The following CREB5 variants were observed in gnomAD, a reference collection of about 807,000 sequenced individuals.
CREB5 encodes cAMP responsive element binding protein 5, also known as cyclic AMP-responsive element-binding protein 5.
A neutral mutation model predicts 57.1 loss-of-function variants in CREB5; 19 were observed. That is an observed-to-expected ratio of 0.33 (90% CI 0.23 to 0.49). The LOEUF (loss-of-function observed/expected upper bound fraction) is 0.49, where lower values mean the gene tolerates loss of function less well. Ranked by LOEUF, CREB5 falls within the 20% of genes least tolerant of loss-of-function variation. The pLI is 0.99. For synonymous variants in CREB5, 238 were observed against 238.3 expected (o/e 1.00, Z 0.01); for missense variants, 579 against 671.6 (o/e 0.86, Z 1.52).
At chr7:28,761,914 A>G (rs1246184844) in intron 7 of CREB5, among the ~76,000 whole-genome samples, 1 of 152,154 alleles carries the variant, frequency 6.6e-6, no homozygotes, top group African/African-American at 2.4e-5. Context: ...TGGGAAGCAG[A>G]ATAATTTTTA....
At chr7:28,407,729 A>C (rs1787613976), upstream of CREB5, among the ~76,000 whole-genome samples, 1 of 152,244 alleles carries the variant, frequency 6.6e-6, no homozygotes, top group South Asian at 2.1e-4. Context: ...TTCAAGGAAC[A>C]CTAAAGGGCA....
intron 5 of CREB5, among the ~76,000 whole-genome samples, chr7:28,645,209 AC>A (rs1798843673): frequency 6.6e-6 from 1 of 152,160 alleles, no homozygotes; most frequent in Non-Finnish European, 1.5e-5. Context: ...TTCTTTTCTT[AC>A]CCTGCAATCT....
At chr7:28,542,833 AT>A (rs1263774168) in intron 4 of CREB5, among the ~76,000 whole-genome samples, 3 of 152,146 alleles carry the variant, frequency 2.0e-5, no homozygotes, top group African/African-American at 4.8e-5. Context: ...CTGGGTGTAC[AT>A]TTTGGGAGGT....
At chr7:28,428,638 C>A (rs1293323736) in intron 1 of CREB5, among the ~76,000 whole-genome samples, 1 of 152,110 alleles carries the variant, frequency 6.6e-6, no homozygotes, top group Admixed American at 6.5e-5. Context: ...GCAGGTAGAA[C>A]AGGGTCAGTG....
chr7:28,428,096 C>T (rs757507252), intron 1 of CREB5, among the ~76,000 whole-genome samples: 1 of 152,102 alleles, frequency 6.6e-6, no homozygotes. Context: ...GGAGAGCCAC[C>T]AGGGAAGGGA....
chr7:28,783,794 C>A (rs1368848181), intron 7 of CREB5, among the ~76,000 whole-genome samples: 1 of 152,138 alleles, frequency 6.6e-6, no homozygotes, highest in Admixed American at 6.5e-5. Flanking sequence ...CCGGTAGCCT[C>A]AGTGAAAGTA....
At chr7:28,715,030 T>C (rs779792957) in intron 5 of CREB5, among the ~76,000 whole-genome samples, 129 of 152,316 alleles carry the variant, frequency 8.5e-4, no homozygotes, top group Middle Eastern at 6.8e-3. Flanking sequence ...CTAACTGATG[T>C]GTTGTTTGGG....
intron 1 of CREB5, among the ~76,000 whole-genome samples, chr7:28,302,525 T>C (rs1049037535): frequency 1.4e-4 from 21 of 152,192 alleles, no homozygotes; most frequent in African/African-American, 4.1e-4. Flanking sequence ...CTGGAGGAGA[T>C]ATTAGATTTT....
At chr7:28,550,875 G>A (rs1249919010) in intron 4 of CREB5, among the ~76,000 whole-genome samples, 1 of 152,206 alleles carries the variant, frequency 6.6e-6, no homozygotes, top group East Asian at 1.9e-4. Context: ...ATCTAAAGCA[G>A]CACTTGGAGT....
intron 1 of CREB5, among the ~76,000 whole-genome samples, chr7:28,379,330 C>T (rs558280313): frequency 3.3e-5 from 5 of 152,292 alleles, no homozygotes; most frequent in East Asian, 1.9e-4. Flanking sequence ...AAGCTAATTG[C>T]GCTCCCAAAG....
chr7:28,593,326 A>G (rs1260335061), intron 5 of CREB5, among the ~76,000 whole-genome samples: 1 of 152,028 alleles, frequency 6.6e-6, no homozygotes, highest in Admixed American at 6.6e-5. Flanking sequence ...TCGGCTCACT[A>G]TAACCTCCAC....
rs1232058512 is a variant in CREB5, at chr7:28,822,088, A to G, written c.*2809A>G. The G allele has an allele frequency of 6.6e-6, 1 of 152,336 alleles. No individual in the cohort carries two copies. Among genetic ancestry groups the G allele is most frequent in the African/African-American group, 2.4e-5 (1 of 41,458 alleles). The allele number at this position is 152,336 out of a possible 1,614,324, so 9.4% of individuals were successfully genotyped here. On this transcript the variant is annotated 3_prime_UTR_variant, in exon 11 of 11. Transcript: ENST00000357727. ...GACTGATGTGCATTATATATAGCTCAATTATGTCTGTTTTTTATGCTAAGT... is the reference window on the plus strand; with the variant it reads ...GACTGATGTGCATTATATATAGCTCGATTATGTCTGTTTTTTATGCTAAGT...
intron 5 of CREB5, among the ~76,000 whole-genome samples, chr7:28,611,157 G>T (rs1188766636): frequency 1.3e-5 from 2 of 152,032 alleles, no homozygotes; most frequent in Non-Finnish European, 2.9e-5. Context: ...GTGGAAACAG[G>T]TCATACATTG....
chr7:28,597,932 A>G (rs1030623778), intron 5 of CREB5, among the ~76,000 whole-genome samples: 1 of 152,168 alleles, frequency 6.6e-6, no homozygotes, highest in South Asian at 2.1e-4. Flanking sequence ...TGGACCTAGA[A>G]ATATATATGT....
chr7:28,553,676 A>G lies in CREB5; in HGVS notation c.292-16689A>G, dbSNP rs909758262. Among the ~76,000 whole-genome samples the G allele has an allele frequency of 2.0e-5, 3 of 152,236 alleles. 1 individual carries two copies. Among genetic ancestry groups the G allele is most frequent in the East Asian group, 3.8e-4 (2 of 5,206 alleles). On this transcript the variant is annotated intron_variant, in intron 4 of 10. Transcript: ENST00000357727. Reference sequence around the variant, plus strand: ...GCACAGAGGAAATGGTCTTAATCGTACTAGGCACTTTTAGTATGAGGACAA... The same window carrying G: ...GCACAGAGGAAATGGTCTTAATCGTGCTAGGCACTTTTAGTATGAGGACAA...
At chr7:28,696,336 T>A (rs528067277) in intron 5 of CREB5, among the ~76,000 whole-genome samples, 1 of 152,360 alleles carries the variant, frequency 6.6e-6, no homozygotes, top group Admixed American at 6.5e-5. Flanking sequence ...CAGAAATCCT[T>A]CCTGCCATTT....
At chr7:28,331,510 C>A (rs1212329535) in intron 1 of CREB5, among the ~76,000 whole-genome samples, 1 of 152,136 alleles carries the variant, frequency 6.6e-6, no homozygotes, top group Non-Finnish European at 1.5e-5. Context: ...CAGACGTGTG[C>A]AAATGACTAA....
At chr7:28,606,908 G>A (rs1200934847) in intron 5 of CREB5, among the ~76,000 whole-genome samples, 1 of 152,090 alleles carries the variant, frequency 6.6e-6, no homozygotes, top group African/African-American at 2.4e-5. Flanking sequence ...TGATCGGAGA[G>A]GGGAATTAGC....
At position 28,655,976 on chromosome 7, in the gene CREB5, AG is replaced by A. The variant is rs201292234; in HGVS notation, c.465-62774del. 9.0e-3 allele frequency among the ~76,000 whole-genome samples: 1,371 copies of A among 152,340 alleles called. 21 individuals are homozygous for A. Among genetic ancestry groups the A allele is most frequent in the African/African-American group, 0.031 (1,306 of 41,570 alleles). ...AGTTAGAGCTGGACAAAGAAAAGGC[AG>A]GGAAAAAAAGCCAACAGTTCATTAA... is the stretch of plus-strand genomic sequence containing the variant. On this transcript the variant is annotated intron_variant, in intron 5 of 10. Coordinates refer to ENST00000357727, the MANE Select transcript of CREB5 (RefSeq NM_182898.4).
Sources: gnomAD v4.1 joint callset for allele counts (sites outside exome capture counted in the v4.1 genomes callset) on GRCh38, gnomAD v4.1.1 for gene constraint, MANE v1.5 for transcripts, NCBI Gene and HGNC (gene_info 2026-07-23, HGNC 2026-07-21) for gene names.